Variants in PCDHA9 observed in about 807,000 individuals in gnomAD.
The protein encoded by PCDHA9 is protocadherin alpha 9.
In PCDHA9, 62 loss-of-function variants were observed where a neutral mutation model predicts 62.0. That is an observed-to-expected ratio of 1.00 (90% CI 0.81 to 1.23). PCDHA9 has a LOEUF of 1.23. Ranked by LOEUF, PCDHA9 falls within the 50% of genes most tolerant of loss-of-function variation. PCDHA9 has a pLI of 0.00. For missense variants in PCDHA9, 1,205 were observed against 1,249.8 expected, an observed-to-expected ratio of 0.96 and a Z score of 0.54; for synonymous variants, 557 against 567.6, an observed-to-expected ratio of 0.98 and a Z score of 0.27.
chr5:140,934,741 T>TATG (rs2090025323), intron 1 of PCDHA9, among the ~76,000 whole-genome samples: 1 of 152,144 alleles, frequency 6.6e-6, no homozygotes, highest in Non-Finnish European at 1.5e-5. Flanking sequence ...TAGGTGTCAT[T>TATG]ATGAACTCAT....
chr5:140,926,680 A>C (rs2153583997), intron 1 of PCDHA9: 1 of 637,102 alleles, frequency 1.6e-6, no homozygotes, highest in Non-Finnish European at 2.4e-6. Flanking sequence ...CCCAGCCTCC[A>C]GCCTAGCAAG....
Position 140,862,950 on chromosome 5 carries a change from G to T in PCDHA9, c.2394+12061G>T, listed in dbSNP as rs559605019. The T allele has an allele frequency of 5.5e-6, 3 of 541,462 alleles. No homozygotes were observed. The East Asian group carries it at 1.4e-4, about 26-fold the overall frequency. 33.5% of individuals were successfully genotyped at this position (541,462 alleles called of 1,614,324 possible). A position where few individuals can be genotyped will look rare whatever the true frequency, so the allele number is the denominator to read the frequency against. ...GGCGGCGCTGTGAGTGAGCTGGTGC[G>T]GTATTCAGTGGATGCAGGCCACTTG... On this transcript the variant is annotated intron_variant, in intron 1 of 3. Coordinates refer to ENST00000532602, the MANE Select transcript of PCDHA9 (RefSeq NM_031857.2).
chr5:140,851,865 A>G, intron 1 of PCDHA9: 3 of 976,808 alleles, frequency 3.1e-6, no homozygotes, highest in Non-Finnish European at 3.7e-6. Context: ...CTCATACATA[A>G]CACAAGGCAG....
At chr5:140,894,469 C>T (rs183471525) in intron 1 of PCDHA9, among the ~76,000 whole-genome samples, 8 of 151,852 alleles carry the variant, frequency 5.3e-5, no homozygotes, top group Admixed American at 5.2e-4. Context: ...ACTTTTTATT[C>T]TTGTTTTCAT....
chr5:140,875,586 G>T, intron 1 of PCDHA9: 1 of 1,614,024 alleles, frequency 6.2e-7, no homozygotes, highest in South Asian at 1.1e-5. Flanking sequence ...TCTACGAGGA[G>T]GCCAAACACG....
chr5:140,868,889 C>A, intron 1 of PCDHA9: 1 of 744,508 alleles, frequency 1.3e-6, no homozygotes, highest in Non-Finnish European at 2.1e-6. Flanking sequence ...CAGTTTTAGG[C>A]GCAAGGTGTC....
rs2150473302 is a variant in PCDHA9, at chr5:140,850,209, G to A, written c.1714G>A (p.Gly572Ser). Residue 572 changes from glycine to serine, a missense_variant, in exon 1 of 4, where the codon GGC (glycine) becomes AGC (serine). This residue lies in a region of PCDHA9 where 887 missense variants were observed against 809.5 expected (regional missense o/e 1.10). Transcript: ENST00000532602. ...APALLTPRMRGTDGAVSEMVL... is the reference protein window; with the variant it reads ...APALLTPRMRSTDGAVSEMVL... ...GGCGCTGCTGACACCTCGGATGAGG[G>A]GCACTGACGGCGCAGTGAGCGAGAT... 3 of 1,593,574 alleles carry A rather than the reference G, an allele frequency of 1.9e-6. No individual in the cohort carries two copies. Among genetic ancestry groups the A allele is most frequent in the African/African-American group, 2.7e-5 (2 of 74,426 alleles).
At chr5:140,894,044 T>C (rs2064295340) in intron 1 of PCDHA9, among the ~76,000 whole-genome samples, 1 of 152,190 alleles carries the variant, frequency 6.6e-6, no homozygotes, top group Admixed American at 6.5e-5. Context: ...ATGTAAGTCC[T>C]CTGTTGAATT....
intron 3 of PCDHA9, among the ~76,000 whole-genome samples, chr5:140,994,342 T>C (rs571225967): frequency 1.3e-5 from 2 of 152,288 alleles, no homozygotes; most frequent in South Asian, 4.1e-4. Flanking sequence ...ACAGTGGATG[T>C]TGTGGGACCT....
chr5:140,965,238 A>G (rs540671197), intron 1 of PCDHA9, among the ~76,000 whole-genome samples: 3 of 152,196 alleles, frequency 2.0e-5, no homozygotes, highest in Non-Finnish European at 2.9e-5. Context: ...ACCTGGGAAG[A>G]GTGAATATTC....
At chr5:141,008,961 A>G (rs2098395078) in intron 3 of PCDHA9, among the ~76,000 whole-genome samples, 1 of 152,214 alleles carries the variant, frequency 6.6e-6, no homozygotes, top group Non-Finnish European at 1.5e-5. Context: ...ACATCCTAAT[A>G]CATTTATAGC....
chr5:140,904,235 T>A (rs147535141), intron 1 of PCDHA9, among the ~76,000 whole-genome samples: 1,856 of 152,070 alleles, frequency 0.012, 44 homozygotes, highest in African/African-American at 0.042. Flanking sequence ...TACTTATGCC[T>A]TTGCATCCTC....
chr5:140,869,403 G>C, intron 1 of PCDHA9: 3 of 1,614,206 alleles, frequency 1.9e-6, no homozygotes, highest in Non-Finnish European at 2.5e-6. Flanking sequence ...GGCAGAGCGC[G>C]GAGTGCAGCA....
intron 1 of PCDHA9, chr5:140,927,454 G>A: frequency 6.2e-7 from 1 of 1,614,182 alleles, no homozygotes; most frequent in Non-Finnish European, 8.5e-7. Flanking sequence ...GTTGGTGTTG[G>A]AGAAAGCACT....
At chr5:140,938,885 A>C (rs966791166) in intron 1 of PCDHA9, among the ~76,000 whole-genome samples, 9 of 152,144 alleles carry the variant, frequency 5.9e-5, no homozygotes, top group Non-Finnish European at 1.2e-4. Flanking sequence ...CAACACACAC[A>C]CACACAGATG....
rs1278190743 is a variant in PCDHA9, at chr5:140,891,784, G to C, written c.2394+40895G>C. 2.0e-5 allele frequency among the ~76,000 whole-genome samples: 3 copies of C among 152,152 alleles called. No homozygotes were observed. In the East Asian group the frequency reaches 5.8e-4, roughly 29 times the overall value. On this transcript the variant is annotated intron_variant, in intron 1 of 3. Coordinates refer to ENST00000532602, the MANE Select transcript of PCDHA9 (RefSeq NM_031857.2). ...GGTGGGGAATTTCAGGAAATGTTTA[G>C]ATTATGAGGGATCTGCCCTCATGAA...
chr5:140,856,653 A>G (rs2044134498), intron 1 of PCDHA9: 1 of 1,598,162 alleles, frequency 6.3e-7, no homozygotes, highest in Admixed American at 1.7e-5. Flanking sequence ...CTGGATCGTG[A>G]AGAAAATCCT....
intron 1 of PCDHA9, among the ~76,000 whole-genome samples, chr5:140,938,299 A>T (rs995168721): frequency 1.3e-5 from 2 of 152,192 alleles, no homozygotes; most frequent in Admixed American, 6.5e-5. Flanking sequence ...TTGCCTATGA[A>T]ATTCAGTATA....
At chr5:140,927,166 G>A in intron 1 of PCDHA9, 1 of 1,614,188 alleles carries the variant, frequency 6.2e-7, no homozygotes. Context: ...GGCCAAAGCT[G>A]CCTGCGTCTT....
Sources: gnomAD v4.1 joint callset for allele counts (sites outside exome capture counted in the v4.1 genomes callset) on GRCh38, gnomAD v4.1.1 for gene constraint, gnomAD v4.1.1 regional missense constraint, MANE v1.5 for transcripts, NCBI Gene and HGNC (gene_info 2026-07-23, HGNC 2026-07-21) for gene names.